The following ACACB variants were observed in gnomAD, a reference collection of about 807,000 sequenced individuals.
ACACB encodes the protein acetyl-CoA carboxylase beta, also known as acetyl-CoA carboxylase 2.
Under a neutral mutation model 278.8 loss-of-function variants are expected in ACACB, and 209 were observed. That is an observed-to-expected ratio of 0.75 (90% CI 0.67 to 0.84). The LOEUF (loss-of-function observed/expected upper bound fraction) is 0.84. Among genes scored for constraint, ACACB ranks in the 40% least tolerant of loss-of-function variants. The probability of loss-of-function intolerance (pLI) is 0.00; values close to 1 mark genes in which losing one functional copy is unlikely to be tolerated. For missense variants in ACACB, 2,850 were observed against 3,269.0 expected (o/e 0.87, Z 3.13); for synonymous variants, 1,174 against 1,285.6 (o/e 0.91, Z 1.86).
intron 37 of ACACB, among the ~76,000 whole-genome samples, chr12:109,245,369 G>A (rs1046172007): frequency 3.5e-4 from 53 of 152,202 alleles, no homozygotes; most frequent in African/African-American, 1.2e-3. Context: ...GAGTTGGGAG[G>A]AAGAATGAGC....
intron 28 of ACACB, among the ~76,000 whole-genome samples, chr12:109,228,613 T>G (rs370213529): frequency 5.1e-4 from 77 of 149,778 alleles, no homozygotes; most frequent in African/African-American, 1.9e-3. Context: ...GAGCCAAGAT[T>G]GTGCCACTGC....
intron 27 of ACACB, 54 bp downstream of exon 27, chr12:109,223,958 C>A: frequency 6.9e-7 from 1 of 1,458,032 alleles, no homozygotes; most frequent in Non-Finnish European, 9.6e-7. Context: ...CTAGTGTTCA[C>A]TGCCGCTACC....
chr12:109,167,071 T>C, intron 3 of ACACB, 78 bp downstream of exon 3: 1 of 1,593,348 alleles, frequency 6.3e-7, no homozygotes. Flanking sequence ...AGGTGGGAGA[T>C]TCGGGTTCAG....
At chr12:109,219,849 G>GCAA (rs2046110411) in intron 24 of ACACB, among the ~76,000 whole-genome samples, 1 of 152,184 alleles carries the variant, frequency 6.6e-6, no homozygotes, top group Non-Finnish European at 1.5e-5. Flanking sequence ...CCAAGTGATT[G>GCAA]CAACACGCAG....
At chr12:109,150,982 C>CT (rs201382181) in intron 2 of ACACB, among the ~76,000 whole-genome samples, 5,312 of 137,212 alleles carry the variant, frequency 0.039, 285 homozygotes, top group East Asian at 0.25. Context: ...TTTTTTCTTT[C>CT]TTTTTTTTTT....
intron 38 of ACACB, 100 bp from the exon 39 acceptor site, chr12:109,246,079 G>T: frequency 7.5e-7 from 1 of 1,337,900 alleles, no homozygotes; most frequent in South Asian, 1.6e-5. Context: ...AACAGAGCAA[G>T]ACCCTGTATC....
intron 19 of ACACB, among the ~76,000 whole-genome samples, chr12:109,205,890 A>G (rs2268387): frequency 0.34 from 51,542 of 152,044 alleles, 10,650 homozygotes; most frequent in Middle Eastern, 0.54. Context: ...CGTCATGCAC[A>G]GTAGGTATTT....
At chr12:109,187,602 G>C (rs1303923093) in intron 12 of ACACB, among the ~76,000 whole-genome samples, 1 of 151,904 alleles carries the variant, frequency 6.6e-6, no homozygotes, top group Non-Finnish European at 1.5e-5. Context: ...TGGGACTACA[G>C]GTGTGTGCCA....
chr12:109,262,984 T>TATATATATA (rs1593741001), intron 49 of ACACB: 18 of 32,130 alleles, frequency 5.6e-4, no homozygotes, highest in African/African-American at 9.4e-4. Flanking sequence ...ATATATATAT[T>TATATATATA]GCCATCGTGA....
At chr12:109,249,140 A>G (rs2284684) in intron 40 of ACACB, 117,583 of 152,186 alleles carry the variant, frequency 0.77, 45,864 homozygotes, top group Middle Eastern at 0.84. Context: ...TGTGGCGTGT[A>G]CCTTTCTTCA....
Position 109,260,501 on chromosome 12 carries a change from A to C in ACACB, c.6518A>C (p.Lys2173Thr). ...TCAGACATGTATGACCAGGTGCTGA[A>C]GTTTGGAGCCTACATCGTGGACGGC... ...GMKDMYDQVLKFGAYIVDGLR... is the reference protein window; with the variant it reads ...GMKDMYDQVLTFGAYIVDGLR... Residue 2173 changes from lysine to threonine, a missense_variant, in exon 48 of 53, where the codon AAG becomes ACG. By Grantham distance (78) the Lys-to-Thr change is moderately conservative. Transcript: ENST00000338432. 1 of 1,614,192 alleles carries C rather than the reference A, an allele frequency of 6.2e-7. No individual in the cohort carries two copies. The highest frequency in any genetic ancestry group is 8.5e-7 in the Non-Finnish European group (1 of 1,180,030).
Position 109,170,791 on chromosome 12 carries a change from GTGT to G in ACACB, c.926-1012_926-1010del, listed in dbSNP as rs879886693. Among the ~76,000 whole-genome samples, 101 of 135,444 alleles carry G rather than the reference GTGT, an allele frequency of 7.5e-4. No individual in the cohort carries two copies. The South Asian group carries it at 0.012, about 16-fold the overall frequency. 88.9% of individuals were successfully genotyped at this position (135,444 alleles called of 152,430 possible). ...ATGGTTAAGATGGTAAATTTTGTGT[GTGT>G]TTTTTTTTTTACCATAATTTAAAAC... On this transcript the variant is annotated intron_variant, in intron 4 of 52. Coordinates refer to ENST00000338432, the MANE Select transcript of ACACB (RefSeq NM_001093.4).
intron 32 of ACACB, 60 bp from the exon 33 acceptor site, chr12:109,235,546 T>C: frequency 6.7e-7 from 1 of 1,499,902 alleles, no homozygotes; most frequent in Non-Finnish European, 9.3e-7. Context: ...AATAAGGATG[T>C]ACATATTTCA....
At chr12:109,121,921 A>G (rs1395337576) in intron 1 of ACACB, among the ~76,000 whole-genome samples, 1 of 152,204 alleles carries the variant, frequency 6.6e-6, no homozygotes, top group Non-Finnish European at 1.5e-5. Context: ...CACGTGATGA[A>G]TGGCACGTGT....
chr12:109,242,493 T>C lies in ACACB; in HGVS notation c.5079T>C (p.Asn1693=), dbSNP rs904166152. 9.3e-6 allele frequency: 15 copies of C among 1,613,994 alleles called. No homozygotes were observed. Among genetic ancestry groups the C allele is most frequent in the Non-Finnish European group, 9.3e-6 (11 of 1,180,004 alleles). Residue 1693 remains asparagine, a synonymous_variant, in exon 37 of 53, where the codon AAT becomes AAC. Transcript: ENST00000338432. ...GGCCCCAGCACGGGATGCTGATCAA[T>C]ACTCCCTACGTCACCAAGGATCTGC... The part of the protein sequence containing the change: ...KQGPQHGMLI[N]TPYVTKDLLQ...
chr12:109,231,920 CTGTT>C (rs1009791301), intron 28 of ACACB, among the ~76,000 whole-genome samples: 2 of 152,350 alleles, frequency 1.3e-5, no homozygotes, highest in Admixed American at 6.5e-5. Flanking sequence ...ATAAACCACA[CTGTT>C]TGTGCAAACA....
chr12:109,198,777 C>G (rs115718608), intron 17 of ACACB, among the ~76,000 whole-genome samples: 1 of 151,962 alleles, frequency 6.6e-6, no homozygotes, highest in African/African-American at 2.4e-5. Context: ...TATGCTACCA[C>G]GCCCAGCTAT....
intron 7 of ACACB, among the ~76,000 whole-genome samples, chr12:109,174,706 T>TAAA (rs34920588): frequency 1.4e-5 from 2 of 144,998 alleles, no homozygotes. Flanking sequence ...CCAGAAAAAG[T>TAAA]AAAAAAAAAA....
chr12:109,177,856 T>C (rs1565891263), intron 9 of ACACB, among the ~76,000 whole-genome samples: 1 of 152,168 alleles, frequency 6.6e-6, no homozygotes, highest in Non-Finnish European at 1.5e-5. Flanking sequence ...AAATAGACTT[T>C]ATTTATTAGA....
Sources: allele counts gnomAD v4.1 joint callset (sites outside exome capture counted in the v4.1 genomes callset), GRCh38; gene constraint gnomAD v4.1.1; transcripts MANE v1.5; gene names NCBI Gene and HGNC (gene_info 2026-07-23, HGNC 2026-07-21).